The following TSPAN5 variants were observed in gnomAD, a reference collection of about 807,000 sequenced individuals.
The protein encoded by TSPAN5 is tetraspanin 5.
In TSPAN5, 10 loss-of-function variants were observed where a neutral mutation model predicts 37.1. The observed-to-expected ratio is 0.27, with a 90% CI of 0.17 to 0.46. The LOEUF (loss-of-function observed/expected upper bound fraction) is 0.46, where lower values mean the gene tolerates loss of function less well. Ranked by LOEUF, TSPAN5 falls within the 20% of genes least tolerant of loss-of-function variation. The pLI is 1.00. For missense variants in TSPAN5, 195 were observed against 326.6 expected (o/e 0.60, Z 3.11); for synonymous variants, 110 against 118.9 (o/e 0.93, Z 0.48).
chr4:98,529,649 C>T (rs1754038585), intron 1 of TSPAN5, among the ~76,000 whole-genome samples: 1 of 152,202 alleles, frequency 6.6e-6, no homozygotes, highest in Non-Finnish European at 1.5e-5. Context: ...CAAACCCAGG[C>T]ATCTGACTCC....
chr4:98,532,002 G>A (rs1754104382), intron 1 of TSPAN5, among the ~76,000 whole-genome samples: 1 of 152,266 alleles, frequency 6.6e-6, no homozygotes, highest in East Asian at 1.9e-4. Context: ...CTCCCACCTT[G>A]TAGGTTGCCT....
rs1013059177 is a variant in TSPAN5 at position 98,570,614 on chromosome 4, G to A, written c.82-62886C>T. ...TGGAGGGAAAAAAGAAAAATGCCAC[G>A]TGAAAAGACACAAACGCAGTGTCTG... is the stretch of plus-strand genomic sequence containing the variant. On this transcript the variant is annotated intron_variant, in intron 1 of 7. Coordinates refer to ENST00000305798, the MANE Select transcript of TSPAN5 (RefSeq NM_005723.4). Among the ~76,000 whole-genome samples, 16 of 152,206 alleles carry A rather than the reference G, an allele frequency of 1.1e-4. No homozygotes were observed. In the South Asian group the frequency reaches 2.1e-3, roughly 20 times the overall value.
intron 1 of TSPAN5, among the ~76,000 whole-genome samples, chr4:98,530,106 A>C (rs1329190273): frequency 6.6e-6 from 1 of 152,210 alleles, no homozygotes; most frequent in Non-Finnish European, 1.5e-5. Context: ...AGCATCAGGC[A>C]TGGGCCTACT....
intron 1 of TSPAN5, among the ~76,000 whole-genome samples, chr4:98,540,620 G>A (rs1353166017): frequency 6.6e-6 from 1 of 152,180 alleles, no homozygotes; most frequent in Non-Finnish European, 1.5e-5. Context: ...TTACAGACGT[G>A]AGCCACCGTG....
At chr4:98,577,489 G>A (rs1313203958) in intron 1 of TSPAN5, among the ~76,000 whole-genome samples, 1 of 151,994 alleles carries the variant, frequency 6.6e-6, no homozygotes, top group Non-Finnish European at 1.5e-5. Flanking sequence ...TCCAGTGAAG[G>A]ACCTACCATT....
intron 1 of TSPAN5, among the ~76,000 whole-genome samples, chr4:98,601,228 A>C (rs1755875021): frequency 6.6e-6 from 1 of 152,202 alleles, no homozygotes; most frequent in African/African-American, 2.4e-5. Context: ...CTTCAACTTA[A>C]AGACACCAGC....
intron 1 of TSPAN5, among the ~76,000 whole-genome samples, chr4:98,623,345 CT>C (rs1756524081): frequency 6.6e-6 from 1 of 152,214 alleles, no homozygotes; most frequent in African/African-American, 2.4e-5. Flanking sequence ...CAAAGTATCA[CT>C]AAGAAATCAA....
At chr4:98,655,124 C>T (rs1757268458) in intron 1 of TSPAN5, among the ~76,000 whole-genome samples, 1 of 152,136 alleles carries the variant, frequency 6.6e-6, no homozygotes, top group African/African-American at 2.4e-5. Flanking sequence ...GGATCGCAGG[C>T]GTGAGCCACC....
At position 98,471,462 on chromosome 4, in the gene TSPAN5, T is replaced by C. The variant is rs1375628260; in HGVS notation, c.*1060A>G. 14 of 152,126 alleles carry C rather than the reference T, an allele frequency of 9.2e-5. No homozygotes were observed. The highest frequency in any genetic ancestry group is 2.9e-4 in the African/African-American group (12 of 41,422). The allele number at this position is 152,126 out of a possible 1,614,324, so 9.4% of individuals were successfully genotyped here. On this transcript the variant is annotated 3_prime_UTR_variant, in exon 8 of 8. Coordinates refer to ENST00000305798, the MANE Select transcript of TSPAN5 (RefSeq NM_005723.4). ...CCACAACCTCCCAAGGCTGTGAACC[T>C]AGGAAATAAGTGCTGACCAAATAAC...
At chr4:98,645,949 G>C (rs1757058637) in intron 1 of TSPAN5, among the ~76,000 whole-genome samples, 1 of 152,054 alleles carries the variant, frequency 6.6e-6, no homozygotes, top group Non-Finnish European at 1.5e-5. Flanking sequence ...TGAAGGGCTG[G>C]GGTTTTCAGC....
At chr4:98,559,235 G>C (rs193056007) in intron 1 of TSPAN5, among the ~76,000 whole-genome samples, 32 of 152,250 alleles carry the variant, frequency 2.1e-4, no homozygotes, top group Admixed American at 2.1e-3. Context: ...ATCAGGCTGG[G>C]ATCTTCCTTT....
At chr4:98,499,882 G>A (rs1359008481) in intron 2 of TSPAN5, among the ~76,000 whole-genome samples, 3 of 151,912 alleles carry the variant, frequency 2.0e-5, no homozygotes, top group Admixed American at 6.6e-5. Context: ...GCATGGTTTC[G>A]ATCTCCTGAC....
intron 1 of TSPAN5, among the ~76,000 whole-genome samples, chr4:98,519,762 T>C (rs1418515181): frequency 1.3e-5 from 2 of 152,210 alleles, no homozygotes; most frequent in African/African-American, 4.8e-5. Context: ...AGATTCTGAC[T>C]CTTGCACAAG....
intron 1 of TSPAN5, among the ~76,000 whole-genome samples, chr4:98,609,605 T>C (rs1299903207): frequency 1.3e-5 from 2 of 152,202 alleles, no homozygotes; most frequent in Non-Finnish European, 1.5e-5. Flanking sequence ...CAGCCTCTCG[T>C]GTCCAGGTGC....
At chr4:98,473,754 G>C (rs778667826) in intron 7 of TSPAN5, among the ~76,000 whole-genome samples, 2 of 152,164 alleles carry the variant, frequency 1.3e-5, no homozygotes, top group African/African-American at 2.4e-5. Flanking sequence ...TGTCTGTTCA[G>C]ATCCTCTGCC....
intron 1 of TSPAN5, among the ~76,000 whole-genome samples, chr4:98,589,187 G>T (rs1344980693): frequency 2.6e-5 from 4 of 152,134 alleles, no homozygotes; most frequent in African/African-American, 9.7e-5. Flanking sequence ...ACAAGACCTA[G>T]GTTATCCTTA....
intron 1 of TSPAN5, among the ~76,000 whole-genome samples, chr4:98,599,062 A>C (rs1265178650): frequency 6.6e-6 from 1 of 152,222 alleles, no homozygotes; most frequent in Non-Finnish European, 1.5e-5. Flanking sequence ...AGAAAGAAGC[A>C]AAATGGACAA....
At chr4:98,639,388 A>T (rs1253119227) in intron 1 of TSPAN5, among the ~76,000 whole-genome samples, 1 of 152,152 alleles carries the variant, frequency 6.6e-6, no homozygotes, top group Non-Finnish European at 1.5e-5. Context: ...CAAAATCATA[A>T]CTTACTGCAG....
chr4:98,558,143 T>C (rs1474823441), intron 1 of TSPAN5, among the ~76,000 whole-genome samples: 1 of 150,078 alleles, frequency 6.7e-6, no homozygotes, highest in Non-Finnish European at 1.5e-5. Flanking sequence ...GAAATACTTG[T>C]TCCCCGGTGA....
Sources: gnomAD v4.1 joint callset for allele counts (sites outside exome capture counted in the v4.1 genomes callset) on GRCh38, gnomAD v4.1.1 for gene constraint, MANE v1.5 for transcripts, NCBI Gene and HGNC (gene_info 2026-07-23, HGNC 2026-07-21) for gene names.